The following ETV5 variants were observed in gnomAD, a reference collection of about 807,000 sequenced individuals.
The protein encoded by ETV5 is ETS variant transcription factor 5.
A neutral mutation model predicts 70.0 loss-of-function variants in ETV5; 10 were observed. The observed-to-expected ratio is 0.14, with a 90% CI of 0.09 to 0.24. The LOEUF (loss-of-function observed/expected upper bound fraction) is 0.24, where lower values mean the gene tolerates loss of function less well. ETV5 is among the 10% of genes least tolerant of loss of function. The pLI, the probability that ETV5 is intolerant of heterozygous loss-of-function variation, is 1.00. For missense variants in ETV5, 453 were observed against 651.2 expected (o/e 0.70, Z 3.31); for synonymous variants, 216 against 242.2 (o/e 0.89, Z 1.01).
At chr3:186,067,998 G>T (rs1713493961) in intron 7 of ETV5, among the ~76,000 whole-genome samples, 2 of 152,186 alleles carry the variant, frequency 1.3e-5, no homozygotes, top group Admixed American at 1.3e-4. Flanking sequence ...AATAGGAATG[G>T]TCATAAACAA....
In ETV5 at chr3:186,046,793, AT is replaced by A. The variant is rs1712889827; in HGVS notation, c.*1845del. 4.3e-6 allele frequency: 1 copy of A among 232,696 alleles called. No individual in the cohort carries two copies. Among genetic ancestry groups the A allele is most frequent in the Non-Finnish European group, 8.5e-6 (1 of 117,420 alleles). The allele number at this position is 232,696 out of a possible 1,614,324, so 14.4% of individuals were successfully genotyped here. ...TAAAATATGCATCTATGTATAGACT[AT>A]GTGTAGGTTAAGAAAGCTATAAATA... is the stretch of plus-strand genomic sequence containing the variant. On this transcript the variant is annotated 3_prime_UTR_variant, in exon 13 of 13. Coordinates refer to ENST00000306376, the MANE Select transcript of ETV5 (RefSeq NM_004454.3).
chr3:186,064,564 G>T, intron 8 of ETV5, 88 bp from the exon 9 acceptor site: 8 of 1,318,414 alleles, frequency 6.1e-6, no homozygotes, highest in Non-Finnish European at 8.8e-6. Flanking sequence ...CTGTGGTAAA[G>T]CCCCTAAACT....
chr3:186,086,573 A>G (rs1417050039), intron 5 of ETV5, among the ~76,000 whole-genome samples: 1 of 152,236 alleles, frequency 6.6e-6, no homozygotes. Context: ...TTTAGTATAC[A>G]GTAACTAAAA....
chr3:186,090,240 G>T (rs1211588025), intron 5 of ETV5, among the ~76,000 whole-genome samples: 1 of 152,186 alleles, frequency 6.6e-6, no homozygotes, highest in Non-Finnish European at 1.5e-5. Flanking sequence ...ATACAGCCCT[G>T]GGAATCTAGC....
At chr3:186,099,322 T>C (rs1223425180) in intron 5 of ETV5, among the ~76,000 whole-genome samples, 1 of 152,220 alleles carries the variant, frequency 6.6e-6, no homozygotes. Context: ...TTAAATGAGC[T>C]TGATGAGTTC....
rs890515766 is a variant in ETV5, at chr3:186,109,022, T to C, written c.-157A>G. The stretch of plus-strand genomic sequence containing the variant: ...CACGCGCGCAGCGGGCCTGGGCGCC[T>C]GGGCGAAAGGCTGGGCCGAACCGCT... On this transcript the variant is annotated 5_prime_UTR_variant, in exon 1 of 13. Coordinates refer to ENST00000306376, the MANE Select transcript of ETV5 (RefSeq NM_004454.3). 3 of 153,226 alleles carry C rather than the reference T, an allele frequency of 2.0e-5. No homozygotes were observed. Among genetic ancestry groups the C allele is most frequent in the Non-Finnish European group, 4.4e-5 (3 of 68,650 alleles). 9.5% of individuals were successfully genotyped at this position (153,226 alleles called of 1,614,324 possible).
At chr3:186,088,961 G>A (rs1714120354) in intron 5 of ETV5, among the ~76,000 whole-genome samples, 2 of 152,190 alleles carry the variant, frequency 1.3e-5, no homozygotes, top group Admixed American at 1.3e-4. Flanking sequence ...TATTACCAGA[G>A]AGGGTCAGAA....
At chr3:186,067,474 T>G (rs1713478078) in intron 7 of ETV5, among the ~76,000 whole-genome samples, 1 of 152,032 alleles carries the variant, frequency 6.6e-6, no homozygotes, top group Non-Finnish European at 1.5e-5. Flanking sequence ...TAGCCAGGCG[T>G]GGTTTTGTGC....
Position 186,046,790 on chromosome 3 carries a change from A to G in ETV5, c.*1849T>C, listed in dbSNP as rs1349295789. The G allele has an allele frequency of 8.6e-6, 2 of 232,796 alleles. No homozygotes were observed. Among genetic ancestry groups the G allele is most frequent in the Non-Finnish European group, 1.7e-5 (2 of 117,578 alleles). 14.4% of individuals were successfully genotyped at this position (232,796 alleles called of 1,614,324 possible). ...GGGTAAAATATGCATCTATGTATAG[A>G]CTATGTGTAGGTTAAGAAAGCTATA... On this transcript the variant is annotated 3_prime_UTR_variant, in exon 13 of 13. Coordinates refer to ENST00000306376, the MANE Select transcript of ETV5 (RefSeq NM_004454.3).
intron 9 of ETV5, among the ~76,000 whole-genome samples, chr3:186,063,351 C>T (rs1713356430): frequency 6.6e-6 from 1 of 152,222 alleles, no homozygotes; most frequent in Admixed American, 6.5e-5. Context: ...TGACCACTTC[C>T]TTGAAGCCAT....
chr3:186,062,361 A>G (rs2150143769), intron 9 of ETV5, among the ~76,000 whole-genome samples: 1 of 152,316 alleles, frequency 6.6e-6, no homozygotes, highest in African/African-American at 2.4e-5. Flanking sequence ...CTATGGGGCA[A>G]ATAGAAACAT....
intron 7 of ETV5, among the ~76,000 whole-genome samples, chr3:186,069,213 A>C (rs1052125991): frequency 6.6e-6 from 1 of 152,208 alleles, no homozygotes; most frequent in African/African-American, 2.4e-5. Flanking sequence ...TATGAAAACT[A>C]CTGGGCAATT....
At chr3:186,093,205 G>C (rs977429964) in intron 5 of ETV5, among the ~76,000 whole-genome samples, 1 of 152,182 alleles carries the variant, frequency 6.6e-6, no homozygotes, top group Non-Finnish European at 1.5e-5. Context: ...AGCAGGGAAA[G>C]ATGAAAATGG....
rs779074184 is a variant in ETV5 at position 186,105,591 on chromosome 3, G to T, written c.133+34C>A. ...ACACGCTACTGTCACTGGGAGCAGGGAAGCCACAACATAATCAGGGAAAGC... is the reference window on the plus strand; with the variant it reads ...ACACGCTACTGTCACTGGGAGCAGGTAAGCCACAACATAATCAGGGAAAGC... On this transcript the variant is annotated intron_variant, in intron 3 of 12. Transcript: ENST00000306376. The surrounding 1 kb of genome is among the most constrained non-coding windows in gnomAD (Gnocchi z 4.5). The T allele has an allele frequency of 1.9e-6, 3 of 1,612,780 alleles. No individual in the cohort carries two copies. The South Asian group carries it at 3.3e-5, about 18-fold the overall frequency.
At chr3:186,080,197 G>T in intron 6 of ETV5, 93 bp from the exon 7 acceptor site, 2 of 1,076,020 alleles carry the variant, frequency 1.9e-6, no homozygotes, top group Non-Finnish European at 1.3e-6. Context: ...GCAGCCCATT[G>T]TTGCCAGGAA....
At chr3:186,067,637 A>G (rs528177446) in intron 7 of ETV5, among the ~76,000 whole-genome samples, 2 of 152,296 alleles carry the variant, frequency 1.3e-5, no homozygotes, top group African/African-American at 2.4e-5. Flanking sequence ...AAACCATCAT[A>G]TGAAAGTAAA....
chr3:186,105,710 T>G lies in ETV5; in HGVS notation c.48A>C (p.Lys16Asn), dbSNP rs767365092. ...GCCCTCTGCATTCCTCAGATCGAGATTTCTGAAAGAGGCCAACAGAAAGTG... is the reference window on the plus strand; with the variant it reads ...GCCCTCTGCATTCCTCAGATCGAGAGTTCTGAAAGAGGCCAACAGAAAGTG... ...DQQVPFMVPG[K>N]SRSEECRGRP... The change falls in exon 3 of 13, where the codon AAA becomes AAC. Residue 16 changes from lysine to asparagine, a missense_variant and splice_region_variant. Physicochemically the swap from Lys to Asn is moderately conservative, Grantham distance 94 (BLOSUM62 0). Transcript: ENST00000306376. This position sits in a 1 kb window ranked among gnomAD's most constrained non-coding sequence, Gnocchi z 4.5. 23 of 1,614,044 alleles carry G rather than the reference T, an allele frequency of 1.4e-5. No homozygotes were observed. Among genetic ancestry groups the G allele is most frequent in the Non-Finnish European group, 1.5e-5 (18 of 1,180,046 alleles).
At chr3:186,056,264 TG>T (rs1353601968) in intron 11 of ETV5, among the ~76,000 whole-genome samples, 2 of 152,172 alleles carry the variant, frequency 1.3e-5, no homozygotes, top group African/African-American at 4.8e-5. Context: ...TCTATTGTGA[TG>T]TCACATAACA....
At chr3:186,058,268 G>A (rs947057294) in intron 9 of ETV5, among the ~76,000 whole-genome samples, 7 of 152,198 alleles carry the variant, frequency 4.6e-5, no homozygotes, top group African/African-American at 1.4e-4. Flanking sequence ...CCACCATGTC[G>A]CTAGGCACCT....
Sources: allele counts gnomAD v4.1 joint callset (sites outside exome capture counted in the v4.1 genomes callset), GRCh38; gene constraint gnomAD v4.1.1; non-coding constraint Gnocchi (gnomAD v3.1); transcripts MANE v1.5; gene names NCBI Gene and HGNC (gene_info 2026-07-23, HGNC 2026-07-21).